The following UTRN variants were observed in gnomAD, a reference collection of about 807,000 sequenced individuals.
UTRN encodes dystrophin-related protein 1.
In UTRN, 283 loss-of-function variants were observed where a neutral mutation model predicts 463.9. That is an observed-to-expected ratio of 0.61 (90% CI 0.55 to 0.67). The LOEUF is 0.67. Among genes scored for constraint, UTRN ranks in the 30% least tolerant of loss-of-function variants. The pLI is 0.00. For missense variants in UTRN, 3,922 were observed against 4,084.3 expected, an observed-to-expected ratio of 0.96 and a Z score of 1.08; for synonymous variants, 1,442 against 1,431.5, an observed-to-expected ratio of 1.01 and a Z score of -0.17.
chr6:144,343,361 TAAACACAC>T (rs1253496686), intron 2 of UTRN, among the ~76,000 whole-genome samples: 13 of 108,330 alleles, frequency 1.2e-4, no homozygotes, highest in African/African-American at 6.0e-4. Context: ...CCGTCTCTAC[TAAACACAC>T]ACACACACAC....
At chr6:144,305,949 A>G (rs1455843899) in intron 2 of UTRN, among the ~76,000 whole-genome samples, 3 of 152,192 alleles carry the variant, frequency 2.0e-5, no homozygotes, top group Admixed American at 1.3e-4. Context: ...TCTTTTGCCT[A>G]TTATTGTCTA....
intron 3 of UTRN, among the ~76,000 whole-genome samples, chr6:144,416,051 G>A (rs529942941): frequency 1.3e-5 from 2 of 151,492 alleles, no homozygotes; most frequent in South Asian, 4.2e-4. Context: ...GTGTGTGTGT[G>A]TATGTGTGTG....
chr6:144,807,905 CTAGT>C (rs1292228250), intron 65 of UTRN, among the ~76,000 whole-genome samples: 9 of 152,040 alleles, frequency 5.9e-5, no homozygotes, highest in African/African-American at 2.2e-4. Flanking sequence ...TTTATAAATA[CTAGT>C]TATAGAATAT....
chr6:144,673,526 A>T (rs1174237767), intron 51 of UTRN, among the ~76,000 whole-genome samples: 2 of 151,840 alleles, frequency 1.3e-5, no homozygotes, highest in African/African-American at 4.8e-5. Context: ...TTGAATTTTT[A>T]TGAGTCCTTA....
chr6:144,697,180 G>A (rs1357050841), intron 52 of UTRN, among the ~76,000 whole-genome samples: 3 of 152,102 alleles, frequency 2.0e-5, no homozygotes, highest in African/African-American at 7.2e-5. Flanking sequence ...CAATAAAAGT[G>A]TTTATTGCTT....
At chr6:144,850,068 T>G (rs1282215548) in intron 74 of UTRN, among the ~76,000 whole-genome samples, 1 of 152,184 alleles carries the variant, frequency 6.6e-6, no homozygotes, top group African/African-American at 2.4e-5. Context: ...CCCATCAGTG[T>G]TTGCTGAATT....
chr6:144,542,657 A>G (rs1419183557), intron 45 of UTRN, 138 bp from the exon 46 acceptor site: 15 of 766,084 alleles, frequency 2.0e-5, no homozygotes, highest in Middle Eastern at 3.8e-4. Flanking sequence ...ATGGAGAGTG[A>G]AGGTAGAGCC....
intron 52 of UTRN, among the ~76,000 whole-genome samples, chr6:144,699,475 T>G (rs934331387): frequency 1.8e-4 from 3 of 16,540 alleles, no homozygotes; most frequent in African/African-American, 9.3e-4. Flanking sequence ...AGTCAGTGGT[T>G]TTTTTTTTTT....
chr6:144,474,819 A>T, intron 25 of UTRN, 60 bp downstream of exon 25: 1 of 1,553,620 alleles, frequency 6.4e-7, no homozygotes, highest in Non-Finnish European at 8.7e-7. Context: ...AGCTTCTCTC[A>T]GCTGACTAAA....
At chr6:144,708,401 C>T (rs747276559) in intron 53 of UTRN, 35 of 631,062 alleles carry the variant, frequency 5.5e-5, no homozygotes, top group Non-Finnish European at 9.4e-5. Context: ...AGAGGCTTTG[C>T]CTTTGGCCTC....
chr6:144,551,931 T>C (rs1026137027), intron 48 of UTRN, among the ~76,000 whole-genome samples: 1 of 152,210 alleles, frequency 6.6e-6, no homozygotes, highest in African/African-American at 2.4e-5. Flanking sequence ...TTGTGACATC[T>C]TTCCCTCCTC....
At chr6:144,476,841 A>T (rs547826944) in intron 25 of UTRN, among the ~76,000 whole-genome samples, 43 of 152,284 alleles carry the variant, frequency 2.8e-4, no homozygotes, top group African/African-American at 9.9e-4. Flanking sequence ...GGAACTGAGG[A>T]GCTGGGACAC....
chr6:144,481,873 C>G (rs973832205), intron 26 of UTRN, among the ~76,000 whole-genome samples: 2 of 152,256 alleles, frequency 1.3e-5, no homozygotes, highest in Non-Finnish European at 2.9e-5. Flanking sequence ...GCCCCGCCAA[C>G]ATGGCGAAGC....
At chr6:144,671,791 A>C (rs1781065247) in intron 51 of UTRN, among the ~76,000 whole-genome samples, 2 of 151,986 alleles carry the variant, frequency 1.3e-5, no homozygotes, top group African/African-American at 4.8e-5. Context: ...GTTGGCTGTG[A>C]ATTCATCATA....
At chr6:144,772,305 G>A (rs1016610144) in intron 59 of UTRN, among the ~76,000 whole-genome samples, 2 of 151,932 alleles carry the variant, frequency 1.3e-5, no homozygotes, top group Non-Finnish European at 2.9e-5. Flanking sequence ...AAGTGCTCCC[G>A]TGAGCCACTG....
At chr6:144,479,738 A>G in intron 25 of UTRN, 74 bp from the exon 26 acceptor site, 1 of 1,508,882 alleles carries the variant, frequency 6.6e-7, no homozygotes, top group African/African-American at 1.4e-5. Context: ...TGTGCCTTTA[A>G]ATATTAAGAG....
intron 2 of UTRN, among the ~76,000 whole-genome samples, chr6:144,303,998 G>A (rs1053104907): frequency 2.6e-5 from 4 of 152,190 alleles, no homozygotes; most frequent in African/African-American, 7.2e-5. Context: ...GAATTCTTAA[G>A]TGGTAGAAGG....
At chr6:144,622,780 T>C (rs915953909) in intron 51 of UTRN, among the ~76,000 whole-genome samples, 42 of 152,206 alleles carry the variant, frequency 2.8e-4, no homozygotes, top group African/African-American at 8.7e-4. Context: ...AATTTAGCTC[T>C]AGAAAACAGG....
At chr6:144,291,406 C>G (rs955959839) in intron 1 of UTRN, among the ~76,000 whole-genome samples, 4 of 152,192 alleles carry the variant, frequency 2.6e-5, no homozygotes, top group Non-Finnish European at 5.9e-5. Context: ...GCTCAAATGT[C>G]TCTTCAAGAA....
Sources: allele counts gnomAD v4.1 joint callset (sites outside exome capture counted in the v4.1 genomes callset), GRCh38; gene constraint gnomAD v4.1.1; transcripts MANE v1.5; gene names NCBI Gene and HGNC (gene_info 2026-07-23, HGNC 2026-07-21).